The following PRPF38A variants were observed in gnomAD, a reference collection of about 807,000 sequenced individuals.
PRPF38A encodes pre-mRNA processing factor 38A, also known as pre-mRNA-splicing factor 38A.
PRPF38A carries 11 observed loss-of-function variants against 46.8 expected under a neutral mutation model. That is an observed-to-expected ratio of 0.24 (90% CI 0.15 to 0.39). PRPF38A has a LOEUF of 0.39. Ranked by LOEUF, PRPF38A falls within the 10% of genes least tolerant of loss-of-function variation. The probability of loss-of-function intolerance (pLI) is 1.00; values close to 1 mark genes in which losing one functional copy is unlikely to be tolerated. For missense variants in PRPF38A, 261 were observed against 407.5 expected (o/e 0.64, Z 3.10); for synonymous variants, 124 against 136.2 (o/e 0.91, Z 0.62).
rs1344346570 is a variant in PRPF38A, at chr1:52,417,742, AAT to A, written c.*1059_*1060del. ...TGTCAATAAGACTTCCCAGAGTGTTAATATATATCAGAAATGCACACAACAGA... is the reference window on the plus strand; with the variant it reads ...TGTCAATAAGACTTCCCAGAGTGTTAATATATCAGAAATGCACACAACAGA... On this transcript the variant is annotated 3_prime_UTR_variant, in exon 10 of 10. Coordinates refer to ENST00000257181, the MANE Select transcript of PRPF38A (RefSeq NM_032864.4). The A allele has an allele frequency of 6.6e-6, 1 of 151,942 alleles. No homozygotes were observed. The highest frequency in any genetic ancestry group is 1.5e-5 in the Non-Finnish European group (1 of 68,030). The allele number at this position is 151,942 out of a possible 1,614,324, so 9.4% of individuals were successfully genotyped here. A position where few individuals can be genotyped will look rare whatever the true frequency, so the allele number is the denominator to read the frequency against.
At chr1:52,412,762 G>T in intron 5 of PRPF38A, 138 bp downstream of exon 5, 1 of 582,698 alleles carries the variant, frequency 1.7e-6, no homozygotes. Context: ...CACTTTGGGA[G>T]GCCAAGGCGA....
intron 5 of PRPF38A, 130 bp downstream of exon 5, chr1:52,412,754 CT>C: frequency 1.7e-6 from 1 of 597,390 alleles, no homozygotes; most frequent in Non-Finnish European, 2.9e-6. Context: ...AATCATAGCA[CT>C]TTGGGAGGCC....
chr1:52,410,467 A>T (rs1648116383), intron 3 of PRPF38A, among the ~76,000 whole-genome samples: 1 of 150,718 alleles, frequency 6.6e-6, no homozygotes, highest in East Asian at 1.9e-4. Context: ...AGATGTATAT[A>T]TATATATACA....
chr1:52,415,663 T>C (rs1229141272), intron 9 of PRPF38A, among the ~76,000 whole-genome samples: 1 of 151,366 alleles, frequency 6.6e-6, no homozygotes, highest in Admixed American at 6.6e-5. Flanking sequence ...GATACCTGTT[T>C]TGCTTTACAG....
intron 3 of PRPF38A, 56 bp from the exon 4 acceptor site, chr1:52,411,059 T>C: frequency 1.6e-6 from 2 of 1,284,584 alleles, no homozygotes; most frequent in Non-Finnish European, 2.3e-6. Flanking sequence ...CTTTTACTTT[T>C]TGGCATCTAA....
intron 3 of PRPF38A, 103 bp downstream of exon 3, chr1:52,408,793 T>A (rs1648070007): frequency 1.5e-6 from 2 of 1,355,382 alleles, no homozygotes; most frequent in African/African-American, 2.9e-5. Context: ...ATGCTCCTTT[T>A]CATCTACATT....
At chr1:52,407,129 T>C (rs1291668898) in intron 2 of PRPF38A, among the ~76,000 whole-genome samples, 1 of 152,210 alleles carries the variant, frequency 6.6e-6, no homozygotes, top group African/African-American at 2.4e-5. Context: ...GCCATTCTCC[T>C]GCCTCAGCCT....
chr1:52,405,224 T>C (rs1053081412), intron 1 of PRPF38A, among the ~76,000 whole-genome samples: 1 of 152,212 alleles, frequency 6.6e-6, no homozygotes, highest in African/African-American at 2.4e-5. Flanking sequence ...AACGTTAATA[T>C]GCCTGAAACC....
At chr1:52,405,623 A>G in intron 1 of PRPF38A, 57 bp from the exon 2 acceptor site, 2 of 1,558,670 alleles carry the variant, frequency 1.3e-6, no homozygotes, top group Non-Finnish European at 1.8e-6. Flanking sequence ...AACTAACTCC[A>G]CTCCAACTAG....
At chr1:52,410,512 T>G (rs951425241) in intron 3 of PRPF38A, among the ~76,000 whole-genome samples, 12 of 150,928 alleles carry the variant, frequency 8.0e-5, no homozygotes, top group Admixed American at 6.6e-4. Context: ...TATAATTTTT[T>G]TTTTTTTGAG....
intron 1 of PRPF38A, among the ~76,000 whole-genome samples, chr1:52,405,336 G>C (rs1001397942): frequency 1.2e-4 from 18 of 152,184 alleles, no homozygotes; most frequent in African/African-American, 4.3e-4. Flanking sequence ...TTTGAATTGT[G>C]GCTTTAAATC....
rs1648436593 is a variant in PRPF38A at position 52,420,692 on chromosome 1, AAG to A, written c.*4008_*4009del. ...TTTGTATATATGTGCCTGTATGATT[AAG>A]AGAGATGGTTGGAATGAATGAAGTT... is the stretch of plus-strand genomic sequence containing the variant. On this transcript the variant is annotated 3_prime_UTR_variant, in exon 10 of 10. Transcript: ENST00000257181. The A allele has an allele frequency of 6.6e-6, 1 of 152,194 alleles. No individual in the cohort carries two copies. Among genetic ancestry groups the A allele is most frequent in the African/African-American group, 2.4e-5 (1 of 41,464 alleles). The allele number at this position is 152,194 out of a possible 1,614,324, so 9.4% of individuals were successfully genotyped here. A position where few individuals can be genotyped will look rare whatever the true frequency, so the allele number is the denominator to read the frequency against.
chr1:52,411,092 G>C (rs1446229962), intron 3 of PRPF38A, 23 bp from the exon 4 acceptor site: 1 of 1,571,916 alleles, frequency 6.4e-7, no homozygotes, highest in African/African-American at 1.4e-5. Flanking sequence ...CAGGTTGTTT[G>C]CTCTAATGAC....
At chr1:52,410,186 C>T (rs1039673084) in intron 3 of PRPF38A, among the ~76,000 whole-genome samples, 1 of 147,322 alleles carries the variant, frequency 6.8e-6, no homozygotes, top group East Asian at 2.0e-4. Context: ...CCTGTAATCC[C>T]AGCTACCCAG....
At chr1:52,410,076 A>G (rs1232480779) in intron 3 of PRPF38A, among the ~76,000 whole-genome samples, 1 of 149,118 alleles carries the variant, frequency 6.7e-6, no homozygotes, top group Non-Finnish European at 1.5e-5. Context: ...TATACATTTT[A>G]TAATTATATT....
At chr1:52,411,292 T>A (rs1049382474) in intron 4 of PRPF38A, 92 bp downstream of exon 4, 8 of 871,642 alleles carry the variant, frequency 9.2e-6, no homozygotes. Flanking sequence ...CACTGAAGCC[T>A]GTGGATCTTA....
chr1:52,416,394 C>T (rs1648292749), intron 9 of PRPF38A, among the ~76,000 whole-genome samples: 1 of 151,710 alleles, frequency 6.6e-6, no homozygotes, highest in Admixed American at 6.6e-5. Context: ...CAGCAACCTC[C>T]ACCTCCCGGG....
chr1:52,408,673 G>A lies in PRPF38A; in HGVS notation c.395G>A (p.Ser132Asn). 3 of 1,614,164 alleles carry A rather than the reference G, an allele frequency of 1.9e-6. No individual in the cohort carries two copies. The highest frequency in any genetic ancestry group is 2.5e-6 in the Non-Finnish European group (3 of 1,180,004). The change falls in exon 3 of 10, where the codon AGC (serine) becomes AAC (asparagine). Residue 132 changes from serine (S) to asparagine (N), a missense_variant. This residue lies in a region of PRPF38A where 81 missense variants were observed against 186.5 expected (regional missense o/e 0.43). Transcript: ENST00000257181. The stretch of plus-strand genomic sequence containing the variant: ...TACAATGACTATCGAAAAATCAAGA[G>A]CCAGAACCGAAATGGGGGTAAGTAT... ...PLYNDYRKIK[S>N]QNRNGEFELM...
intron 3 of PRPF38A, among the ~76,000 whole-genome samples, chr1:52,410,062 T>C (rs766528952): frequency 5.3e-5 from 8 of 149,658 alleles, no homozygotes; most frequent in South Asian, 2.1e-4. Flanking sequence ...TACACACACA[T>C]ATATATACAT....
Sources: allele counts gnomAD v4.1 joint callset (sites outside exome capture counted in the v4.1 genomes callset), GRCh38; gene constraint gnomAD v4.1.1; regional missense constraint gnomAD v4.1.1; transcripts MANE v1.5; gene names NCBI Gene and HGNC (gene_info 2026-07-23, HGNC 2026-07-21).